CFH: variants seen among roughly 807,000 people sequenced by gnomAD.
CFH encodes the protein complement factor H, also known as H factor 1 (complement).
CFH carries 53 observed loss-of-function variants against 147.3 expected under a neutral mutation model. The ratio of observed to expected loss-of-function variants is 0.36; its 90% CI spans 0.29 to 0.45. The LOEUF is 0.45. CFH is among the 20% of genes least tolerant of loss of function. CFH has a pLI of 1.00. For missense variants in CFH, 1,380 were observed against 1,498.0 expected (o/e 0.92, Z 1.30); for synonymous variants, 536 against 489.4 (o/e 1.10, Z -1.26).
intron 9 of CFH, among the ~76,000 whole-genome samples, chr1:196,704,100 CAG>C (rs1344433775): frequency 6.6e-6 from 1 of 150,916 alleles, no homozygotes; most frequent in Non-Finnish European, 1.5e-5. Flanking sequence ...TGTTTTGAGA[CAG>C]AGTCTTGCCC....
chr1:196,726,999 C>A, intron 14 of CFH, 59 bp downstream of exon 14: 4 of 1,478,532 alleles, frequency 2.7e-6, no homozygotes, highest in African/African-American at 1.4e-5. Context: ...ATTGTAACAA[C>A]AATAATTGCA....
At chr1:196,653,104 T>C (rs1572989989) in intron 1 of CFH, among the ~76,000 whole-genome samples, 1 of 151,754 alleles carries the variant, frequency 6.6e-6, no homozygotes, top group East Asian at 1.9e-4. Context: ...CTGAAGAATA[T>C]TAGCAAATAA....
intron 15 of CFH, among the ~76,000 whole-genome samples, chr1:196,729,364 G>C (rs200020001): frequency 1.3e-5 from 2 of 151,906 alleles, no homozygotes; most frequent in East Asian, 3.9e-4. Context: ...TATAGTTATC[G>C]TCCTTTCTGT....
intron 11 of CFH, among the ~76,000 whole-genome samples, chr1:196,721,317 C>T (rs1304595204): frequency 4.0e-5 from 6 of 151,778 alleles, no homozygotes. Context: ...TTCACAATCA[C>T]CCAGAAGCAG....
intron 9 of CFH, among the ~76,000 whole-genome samples, chr1:196,709,641 C>G (rs1385356922): frequency 6.6e-6 from 1 of 152,040 alleles, no homozygotes; most frequent in African/African-American, 2.4e-5. Context: ...TCCATTTGTC[C>G]AACTTCTCTG....
At position 196,652,142 on chromosome 1, in the gene CFH, T is replaced by C; in HGVS notation, c.25T>C (p.Cys9Arg). The C allele has an allele frequency of 6.2e-7, 1 of 1,612,390 alleles. No individual in the cohort carries two copies. Among genetic ancestry groups the C allele is most frequent in the Non-Finnish European group, 8.5e-7 (1 of 1,178,520 alleles). MRLLAKII[C>R]LMLWAICVAE... ...AATGAGACTTCTAGCAAAGATTATTTGCCTTATGTTATGGGCTATTTGTGT... is the reference window on the plus strand; with the variant it reads ...AATGAGACTTCTAGCAAAGATTATTCGCCTTATGTTATGGGCTATTTGTGT... The change falls in exon 1 of 22, where the codon TGC becomes CGC. Residue 9 changes from cysteine to arginine, a missense_variant. Physicochemically the swap from Cys to Arg is radical, Grantham distance 180. Transcript: ENST00000367429.
chr1:196,728,874 T>C (rs765602767), intron 15 of CFH, among the ~76,000 whole-genome samples: 33 of 152,056 alleles, frequency 2.2e-4, no homozygotes, highest in Non-Finnish European at 4.0e-4. Context: ...AACTACTATG[T>C]ATCTGTTTGT....
At chr1:196,687,486 C>T (rs1053087108) in intron 7 of CFH, among the ~76,000 whole-genome samples, 5 of 151,714 alleles carry the variant, frequency 3.3e-5, no homozygotes, top group African/African-American at 1.2e-4. Flanking sequence ...AAAGAAATCT[C>T]GGTGGACAAT....
rs1424724578 is a variant in CFH, at chr1:196,737,465, C to G, written c.2597-10C>G. 4 of 1,598,088 alleles carry G rather than the reference C, an allele frequency of 2.5e-6. No homozygotes were observed. In the African/African-American group the frequency reaches 5.4e-5, roughly 21 times the overall value. On this transcript the variant is annotated splice_polypyrimidine_tract_variant and intron_variant, in intron 16 of 21. Coordinates refer to ENST00000367429, the MANE Select transcript of CFH (RefSeq NM_000186.4). Reference sequence around the variant, plus strand: ...TGTTTTTAACCCTTTGATTTTCATTCTTCATTTAGAAAAAATTCCATGTTC... The same window carrying G: ...TGTTTTTAACCCTTTGATTTTCATTGTTCATTTAGAAAAAATTCCATGTTC...
intron 9 of CFH, among the ~76,000 whole-genome samples, chr1:196,703,521 G>A (rs2149097417): frequency 1.3e-5 from 2 of 152,302 alleles, no homozygotes; most frequent in South Asian, 4.1e-4. Flanking sequence ...ATGATGGTGA[G>A]AAATCAGCTT....
At chr1:196,708,671 A>G (rs1212499737) in intron 9 of CFH, among the ~76,000 whole-genome samples, 1 of 152,076 alleles carries the variant, frequency 6.6e-6, no homozygotes, top group African/African-American at 2.4e-5. Context: ...CCCTTGGTAC[A>G]TGTTTATTTG....
chr1:196,684,945 T>A, intron 6 of CFH, 119 bp from the exon 7 acceptor site: 1 of 765,592 alleles, frequency 1.3e-6, no homozygotes, highest in South Asian at 1.6e-5. Flanking sequence ...TTCATTTTAA[T>A]GCCATTTTGT....
rs575354799 is a variant in CFH, at chr1:196,678,082, C to T, written c.619+415C>T. On this transcript the variant is annotated intron_variant, in intron 5 of 21. Transcript: ENST00000367429. ...CAAGCTGTAAGACCTCTGGAATAGA[C>T]ATTTGTTTTTATTTTGAAAGCCAAA... 14 of 184,372 alleles carry T rather than the reference C, an allele frequency of 7.6e-5. 1 individual carries two copies. The highest frequency in any genetic ancestry group is 2.4e-4 in the African/African-American group (10 of 42,418). 11.4% of individuals were successfully genotyped at this position (184,372 alleles called of 1,614,324 possible). A position where few individuals can be genotyped will look rare whatever the true frequency, so the allele number is the denominator to read the frequency against.
intron 1 of CFH, among the ~76,000 whole-genome samples, chr1:196,661,942 G>A (rs1351967304): frequency 6.6e-6 from 1 of 152,134 alleles, no homozygotes; most frequent in East Asian, 1.9e-4. Context: ...TTGTGAGCAT[G>A]AGATAAGCAA....
At chr1:196,721,313 A>C (rs1448871550) in intron 11 of CFH, among the ~76,000 whole-genome samples, 1 of 151,818 alleles carries the variant, frequency 6.6e-6, no homozygotes, top group Non-Finnish European at 1.5e-5. Flanking sequence ...TTAATTCACA[A>C]TCACCCAGAA....
intron 11 of CFH, among the ~76,000 whole-genome samples, chr1:196,723,698 G>A (rs573985135): frequency 6.6e-5 from 10 of 152,144 alleles, no homozygotes; most frequent in African/African-American, 2.4e-4. Context: ...GTACCACTAA[G>A]CTCACCCTTG....
At chr1:196,703,812 G>A (rs960228324) in intron 9 of CFH, among the ~76,000 whole-genome samples, 3 of 151,456 alleles carry the variant, frequency 2.0e-5, no homozygotes, top group South Asian at 2.1e-4. Flanking sequence ...GTGAAACCCC[G>A]TCTCTGCTAA....
At chr1:196,727,779 C>T (rs1050076069) in intron 14 of CFH, among the ~76,000 whole-genome samples, 1 of 152,142 alleles carries the variant, frequency 6.6e-6, no homozygotes, top group Non-Finnish European at 1.5e-5. Flanking sequence ...CACAGGCCCT[C>T]TACATCAGTG....
rs2149102141 is a variant in CFH at position 196,713,818 on chromosome 1, A to G, written c.1420A>G (p.Lys474Glu). The G allele has an allele frequency of 6.2e-7, 1 of 1,612,124 alleles. No individual in the cohort carries two copies. The highest frequency in any genetic ancestry group is 1.3e-5 in the African/African-American group (1 of 74,946). ...QYTYALKEKAKYQCKLGYVTA... is the reference protein window; with the variant it reads ...QYTYALKEKAEYQCKLGYVTA... ...TACATATGCCTTAAAAGAAAAAGCG[A>G]AATATCAATGCAAACTAGGATATGT... The change falls in exon 10 of 22, where the codon AAA becomes GAA. Residue 474 changes from lysine to glutamate, a missense_variant. This residue lies in a region of CFH where 830 missense variants were observed against 821.4 expected (regional missense o/e 1.01). Transcript: ENST00000367429.
Sources: gnomAD v4.1 joint callset for allele counts (sites outside exome capture counted in the v4.1 genomes callset) on GRCh38, gnomAD v4.1.1 for gene constraint, gnomAD v4.1.1 regional missense constraint, MANE v1.5 for transcripts, NCBI Gene and HGNC (gene_info 2026-07-23, HGNC 2026-07-21) for gene names.